Variants in MTX2 observed in about 807,000 individuals in gnomAD.
The protein encoded by MTX2 is metaxin 2.
Under a neutral mutation model 42.3 loss-of-function variants are expected in MTX2, and 35 were observed. The ratio of observed to expected loss-of-function variants is 0.83; its 90% confidence interval spans 0.63 to 1.10. MTX2 has a LOEUF of 1.10. Among genes scored for constraint, MTX2 ranks in the 50% least tolerant of loss-of-function variants. MTX2 has a pLI of 0.00. For missense variants in MTX2, 307 were observed against 304.1 expected (o/e 1.01, Z -0.07); for synonymous variants, 119 against 100.9 (o/e 1.18, Z -1.08).
intron 1 of MTX2, among the ~76,000 whole-genome samples, chr2:176,296,187 G>A (rs1683872889): frequency 6.6e-6 from 1 of 152,214 alleles, no homozygotes; most frequent in Middle Eastern, 3.4e-3. Context: ...TTCATTTCAG[G>A]CCTAAAATTA....
intron 1 of MTX2, among the ~76,000 whole-genome samples, chr2:176,275,186 GT>G (rs1692918383): frequency 6.6e-6 from 1 of 151,984 alleles, no homozygotes; most frequent in Non-Finnish European, 1.5e-5. Flanking sequence ...GAAATGGTAA[GT>G]TATGCTTTTG....
At chr2:176,336,200 G>A (rs1389587734) in intron 9 of MTX2, among the ~76,000 whole-genome samples, 1 of 152,074 alleles carries the variant, frequency 6.6e-6, no homozygotes, top group Admixed American at 6.6e-5. Context: ...TTTAGTAATA[G>A]TGCATTAGTA....
chr2:176,318,996 AT>A (rs2105435748), intron 3 of MTX2, among the ~76,000 whole-genome samples: 1 of 152,328 alleles, frequency 6.6e-6, no homozygotes, highest in African/African-American at 2.4e-5. Flanking sequence ...TGGCTACCAT[AT>A]TGGACAGCAT....
chr2:176,287,604 A>G (rs1693236612), intron 1 of MTX2, among the ~76,000 whole-genome samples: 1 of 152,148 alleles, frequency 6.6e-6, no homozygotes, highest in African/African-American at 2.4e-5. Flanking sequence ...ACAAGCAATA[A>G]TGGATATACA....
Position 176,295,369 on chromosome 2 carries a change from CTAA to C in MTX2, c.41-1489_41-1487del, listed in dbSNP as rs536950175. On this transcript the variant is annotated intron_variant, in intron 1 of 9. Coordinates refer to ENST00000249442, the MANE Select transcript of MTX2 (RefSeq NM_006554.5). ...AAAAGGTTATTTTTTGAGTAATTGGCTAATGTCAGCTTGTTTTTGTTTCCTTTT... is the reference window on the plus strand; with the variant it reads ...AAAAGGTTATTTTTTGAGTAATTGGCTGTCAGCTTGTTTTTGTTTCCTTTT... Among the ~76,000 whole-genome samples the C allele has an allele frequency of 6.7e-4, 102 of 152,214 alleles. 1 individual carries two copies. Among genetic ancestry groups the C allele is most frequent in the African/African-American group, 2.3e-3 (97 of 41,546 alleles).
At chr2:176,335,275 GT>G (rs1235381539) in intron 9 of MTX2, among the ~76,000 whole-genome samples, 1 of 152,004 alleles carries the variant, frequency 6.6e-6, no homozygotes, top group Non-Finnish European at 1.5e-5. Flanking sequence ...AGTTTGTTAC[GT>G]TCAAATGCAA....
At chr2:176,334,086 GT>G (rs953041383) in intron 9 of MTX2, among the ~76,000 whole-genome samples, 2 of 151,676 alleles carry the variant, frequency 1.3e-5, no homozygotes, top group African/African-American at 2.4e-5. Flanking sequence ...AATCAGATCA[GT>G]TTTTATATGC....
chr2:176,319,033 A>T (rs973130983), intron 3 of MTX2, among the ~76,000 whole-genome samples: 2 of 152,194 alleles, frequency 1.3e-5, no homozygotes, highest in Admixed American at 1.3e-4. Flanking sequence ...TTCTGATAGG[A>T]TGTGCTAAGT....
chr2:176,323,372 G>A lies in MTX2; in HGVS notation c.136-20G>A, dbSNP rs746408888. 6.2e-7 allele frequency: 1 copy of A among 1,600,674 alleles called. No individual in the cohort carries two copies. On this transcript the variant is annotated intron_variant, in intron 3 of 9. Coordinates refer to ENST00000249442, the MANE Select transcript of MTX2 (RefSeq NM_006554.5). The stretch of plus-strand genomic sequence containing the variant: ...GCATATGCTTTTTACTGGGCTTATT[G>A]TATGTATCTTGATTTACAGGCCTTT...
At chr2:176,271,516 T>G (rs1218036970) in intron 1 of MTX2, among the ~76,000 whole-genome samples, 1 of 151,850 alleles carries the variant, frequency 6.6e-6, no homozygotes, top group Non-Finnish European at 1.5e-5. Context: ...CACAAAAGGG[T>G]GAAATATAGA....
intron 6 of MTX2, among the ~76,000 whole-genome samples, 156 bp downstream of exon 6, chr2:176,328,541 G>A (rs929387195): frequency 1.3e-5 from 2 of 151,082 alleles, no homozygotes; most frequent in African/African-American, 4.8e-5. Context: ...TATTACCTTT[G>A]AACAAGTTAC....
In MTX2 at chr2:176,330,601, C is replaced by T. The variant is rs756780566; in HGVS notation, c.561C>T (p.Asp187=). Residue 187 remains aspartate (D), a synonymous_variant, in exon 9 of 10, where the codon GAC becomes GAT. Transcript: ENST00000249442. ...KTLDQVLEDV[D]QCCQALSQRL... The stretch of plus-strand genomic sequence containing the variant: ...TGTGTTAGGTCTTAGAGGATGTAGA[C>T]CAGTGCTGTCAAGCTCTCTCTCAAA... 3 of 1,589,534 alleles carry T rather than the reference C, an allele frequency of 1.9e-6. No homozygotes were observed. In the South Asian group the frequency reaches 3.4e-5, roughly 18 times the overall value.
chr2:176,295,922 T>C (rs1683864590), intron 1 of MTX2, among the ~76,000 whole-genome samples: 1 of 152,208 alleles, frequency 6.6e-6, no homozygotes, highest in Admixed American at 6.5e-5. Context: ...AAATCTCATA[T>C]ATTTAGTTGC....
intron 3 of MTX2, among the ~76,000 whole-genome samples, chr2:176,307,179 T>G (rs1250922728): frequency 1.4e-4 from 22 of 152,282 alleles, no homozygotes; most frequent in African/African-American, 5.3e-4. Flanking sequence ...TTTTCACATT[T>G]CTTGTTTTTG....
At chr2:176,274,284 A>G (rs962797848) in intron 1 of MTX2, among the ~76,000 whole-genome samples, 6 of 152,166 alleles carry the variant, frequency 3.9e-5, no homozygotes, top group Non-Finnish European at 5.9e-5. Context: ...GAGCAAAGCT[A>G]TTTCATTCTC....
intron 1 of MTX2, among the ~76,000 whole-genome samples, chr2:176,287,454 T>C (rs1693231932): frequency 6.6e-6 from 1 of 152,158 alleles, no homozygotes; most frequent in African/African-American, 2.4e-5. Flanking sequence ...CATTGAAGTG[T>C]TTTGGATGTT....
chr2:176,273,787 G>A (rs1054592768), intron 1 of MTX2, among the ~76,000 whole-genome samples: 1 of 151,482 alleles, frequency 6.6e-6, no homozygotes, highest in Non-Finnish European at 1.5e-5. Flanking sequence ...GTCATTTTTT[G>A]CTTAGATAAC....
chr2:176,314,050 T>C (rs900030559), intron 3 of MTX2, among the ~76,000 whole-genome samples: 3 of 152,138 alleles, frequency 2.0e-5, no homozygotes, highest in Non-Finnish European at 4.4e-5. Flanking sequence ...GCTTCTTCTT[T>C]TTTTTTTAAC....
intron 9 of MTX2, among the ~76,000 whole-genome samples, chr2:176,332,485 A>G (rs1359820640): frequency 6.6e-6 from 1 of 151,384 alleles, no homozygotes; most frequent in Non-Finnish European, 1.5e-5. Context: ...TCCTAAAATT[A>G]GAATTAACCC....
Sources: gnomAD v4.1 joint callset for allele counts (sites outside exome capture counted in the v4.1 genomes callset) on GRCh38, gnomAD v4.1.1 for gene constraint, MANE v1.5 for transcripts, NCBI Gene and HGNC (gene_info 2026-07-23, HGNC 2026-07-21) for gene names.